ACSF2: variants seen among roughly 807,000 people sequenced by gnomAD.
The protein encoded by ACSF2 is medium-chain acyl-CoA ligase ACSF2, mitochondrial.
ACSF2 carries 52 observed loss-of-function variants against 79.3 expected under a neutral mutation model. The observed-to-expected ratio is 0.66, with a 90% CI of 0.53 to 0.83. The LOEUF (loss-of-function observed/expected upper bound fraction) is 0.83, where lower values mean the gene tolerates loss of function less well. ACSF2 is among the 40% of genes least tolerant of loss of function. The pLI is 0.00. For missense variants in ACSF2, 661 were observed against 803.3 expected, an observed-to-expected ratio of 0.82 and a Z score of 2.14; for synonymous variants, 283 against 312.6, an observed-to-expected ratio of 0.91 and a Z score of 1.00.
chr17:50,465,884 T>A (rs1439039983), intron 10 of ACSF2: 2 of 1,612,598 alleles, frequency 1.2e-6, no homozygotes, highest in African/African-American at 2.7e-5. Flanking sequence ...GGGAGCAAGG[T>A]GGGAGCAAGG....
chr17:50,471,177 C>A lies in ACSF2; in HGVS notation c.1323+42C>A. 2.6e-6 allele frequency: 4 copies of A among 1,562,240 alleles called. No individual in the cohort carries two copies. Among genetic ancestry groups the A allele is most frequent in the Non-Finnish European group, 3.5e-6 (4 of 1,133,310 alleles). ...GACTCCAAAGTCCCACCTCCCGTCA[C>A]CCAGCTGGGGTGCACCCAGCTGGGA... is the stretch of plus-strand genomic sequence containing the variant. On this transcript the variant is annotated intron_variant, in intron 11 of 15. Transcript: ENST00000300441. This position sits in a 1 kb window ranked among gnomAD's most constrained non-coding sequence, Gnocchi z 4.1.
In ACSF2 at chr17:50,463,094, AGTG is replaced by A. The variant is rs1306216902; in HGVS notation, c.793-60_793-58del. ...TTCCCGGTCCCGTGCTCTTCAAGGC[AGTG>A]GCCCAGGGTGGGAAGGAGATGAGAA... is the stretch of plus-strand genomic sequence containing the variant. On this transcript the variant is annotated intron_variant, in intron 6 of 15. Coordinates refer to ENST00000300441, the MANE Select transcript of ACSF2 (RefSeq NM_025149.6). The surrounding 1 kb of genome is among the most constrained non-coding windows in gnomAD (Gnocchi z 4.6). 1.9e-5 allele frequency: 27 copies of A among 1,396,192 alleles called. 1 individual carries two copies. The Admixed American group carries it at 4.7e-4, about 24-fold the overall frequency. 86.5% of individuals were successfully genotyped at this position (1,396,192 alleles called of 1,614,324 possible). A position where few individuals can be genotyped will look rare whatever the true frequency, so the allele number is the denominator to read the frequency against.
At chr17:50,430,874 A>G (rs2143476047) in intron 1 of ACSF2, among the ~76,000 whole-genome samples, 1 of 152,308 alleles carries the variant, frequency 6.6e-6, no homozygotes, top group South Asian at 2.1e-4. Flanking sequence ...CTGAAGTCTC[A>G]TGTCTCTCTG....
intron 1 of ACSF2, among the ~76,000 whole-genome samples, chr17:50,459,267 G>A (rs1252557454): frequency 1.3e-5 from 2 of 152,162 alleles, no homozygotes; most frequent in African/African-American, 2.4e-5. Flanking sequence ...TTGAGACAGG[G>A]CCTCTCTCTG....
chr17:50,432,983 T>C (rs2030069034), intron 1 of ACSF2, among the ~76,000 whole-genome samples: 1 of 152,216 alleles, frequency 6.6e-6, no homozygotes, highest in African/African-American at 2.4e-5. Flanking sequence ...TGGTCTCTTA[T>C]GAACCCTGAG....
rs1379734194 is a variant in ACSF2 at position 50,463,751 on chromosome 17, GGGGT to G, written c.1047-61_1047-58del. The G allele has an allele frequency of 3.0e-4, 463 of 1,533,258 alleles. No homozygotes were observed. The highest frequency in any genetic ancestry group is 4.0e-4 in the Non-Finnish European group (443 of 1,113,622). 95.0% of individuals were successfully genotyped at this position (1,533,258 alleles called of 1,614,324 possible). On this transcript the variant is annotated intron_variant, in intron 8 of 15. Transcript: ENST00000300441. This position sits in a 1 kb window ranked among gnomAD's most constrained non-coding sequence, Gnocchi z 4.6. ...ATTCCCTTTGCTGCAGTTTCATGGC[GGGGT>G]GGGTGAGAACAGGGAGTTCCCTTCC...
At chr17:50,427,351 A>G (rs185925945) in intron 1 of ACSF2, among the ~76,000 whole-genome samples, 1 of 152,326 alleles carries the variant, frequency 6.6e-6, no homozygotes, top group Admixed American at 6.5e-5. Context: ...CTCCAAGATC[A>G]CACTTTCTGA....
intron 1 of ACSF2, chr17:50,427,087 A>G: frequency 1.7e-6 from 2 of 1,193,444 alleles, no homozygotes; most frequent in Non-Finnish European, 2.4e-6. Context: ...TCATGTTATC[A>G]GGGCTGTTAG....
chr17:50,465,063 A>G, intron 10 of ACSF2: 1 of 556,684 alleles, frequency 1.8e-6, no homozygotes, highest in East Asian at 3.1e-5. Flanking sequence ...CAAAGAGGCA[A>G]AGATCGATGT....
At position 50,473,916 on chromosome 17, in the gene ACSF2, G is replaced by T; in HGVS notation, c.1640G>T (p.Arg547Leu). 2 of 1,584,176 alleles carry T rather than the reference G, an allele frequency of 1.3e-6. No homozygotes were observed. Among genetic ancestry groups the T allele is most frequent in the Non-Finnish European group, 1.7e-6 (2 of 1,162,434 alleles). The change falls in exon 14 of 16, where the codon CGG (arginine) becomes CTG (leucine). Residue 547 changes from arginine (R) to leucine (L), a missense_variant. Arg to Leu is a moderately radical substitution (Grantham distance 102). Transcript: ENST00000300441. ...AAGGTGGTGGGAGTGAAGGACGATC[G>T]GATGGGGGAAGAGATTTGTGCCTGC... ...EVQVVGVKDD[R>L]MGEEICACIR... is the part of the protein sequence containing the mutation.
intron 1 of ACSF2, among the ~76,000 whole-genome samples, chr17:50,432,404 AC>A (rs1440662461): frequency 3.3e-5 from 5 of 152,232 alleles, no homozygotes; most frequent in Admixed American, 2.0e-4. Flanking sequence ...CCCAAGGCCC[AC>A]AGTATAGTAA....
Position 50,463,971 on chromosome 17 carries a change from C to A in ACSF2, c.1138+62C>A. 1 of 1,319,604 alleles carries A rather than the reference C, an allele frequency of 7.6e-7. No homozygotes were observed. 81.7% of individuals were successfully genotyped at this position (1,319,604 alleles called of 1,614,324 possible). ...GGGCTGCTTCCCCCACAGGAATGGCCCGGGTGAGTTAGCTATGCTCCCAGT... is the reference window on the plus strand; with the variant it reads ...GGGCTGCTTCCCCCACAGGAATGGCACGGGTGAGTTAGCTATGCTCCCAGT... On this transcript the variant is annotated intron_variant, in intron 9 of 15. Transcript: ENST00000300441. The surrounding 1 kb of genome is among the most constrained non-coding windows in gnomAD (Gnocchi z 4.6).
intron 2 of ACSF2, 169 bp from the exon 3 acceptor site, chr17:50,461,073 C>A: frequency 8.5e-7 from 1 of 1,181,802 alleles, no homozygotes. Context: ...TCCTGGGGCA[C>A]CTGTTAACTA....
At chr17:50,466,086 T>A (rs1291342544) in intron 10 of ACSF2, among the ~76,000 whole-genome samples, 1 of 150,356 alleles carries the variant, frequency 6.7e-6, no homozygotes, top group Non-Finnish European at 1.5e-5. Context: ...TTTTTTTTTT[T>A]TTTCCTTTTT....
At chr17:50,472,046 G>A (rs2143807761) in intron 11 of ACSF2, 1 of 203,064 alleles carries the variant, frequency 4.9e-6, no homozygotes, top group South Asian at 8.3e-5. Flanking sequence ...GTGTTGCCAT[G>A]CCACCCTGTT....
At chr17:50,444,639 A>G (rs1317973065) in intron 1 of ACSF2, among the ~76,000 whole-genome samples, 1 of 81,052 alleles carries the variant, frequency 1.2e-5, no homozygotes, top group Non-Finnish European at 3.2e-5. Flanking sequence ...CTCTGCAAAC[A>G]CACACACACA....
chr17:50,463,798 C>G lies in ACSF2; in HGVS notation c.1047-20C>G. 1 of 1,610,026 alleles carries G rather than the reference C, an allele frequency of 6.2e-7. No individual in the cohort carries two copies. Among genetic ancestry groups the G allele is most frequent in the Non-Finnish European group, 8.5e-7 (1 of 1,176,578 alleles). ...TCCCTTCCACTTCCAAGCCTAATTTCGAGACCTCCTCCTATACAGAGGCAC... is the reference window on the plus strand; with the variant it reads ...TCCCTTCCACTTCCAAGCCTAATTTGGAGACCTCCTCCTATACAGAGGCAC... On this transcript the variant is annotated intron_variant, in intron 8 of 15. Transcript: ENST00000300441. The surrounding 1 kb of genome is among the most constrained non-coding windows in gnomAD (Gnocchi z 4.6).
intron 1 of ACSF2, 86 bp from the exon 2 acceptor site, chr17:50,460,591 C>T (rs560075310): frequency 2.4e-6 from 3 of 1,241,092 alleles, no homozygotes; most frequent in East Asian, 5.1e-5. Context: ...CAGCAGCCTA[C>T]CCCCTGGCTT....
intron 1 of ACSF2, among the ~76,000 whole-genome samples, chr17:50,451,060 C>T (rs886507492): frequency 3.3e-5 from 5 of 152,106 alleles, no homozygotes; most frequent in African/African-American, 9.7e-5. Context: ...GCTAGGCCTC[C>T]GGAGTAGCTG....
Sources: gnomAD v4.1 joint callset for allele counts (sites outside exome capture counted in the v4.1 genomes callset) on GRCh38, gnomAD v4.1.1 for gene constraint, Gnocchi (gnomAD v3.1) non-coding constraint, MANE v1.5 for transcripts, NCBI Gene and HGNC (gene_info 2026-07-23, HGNC 2026-07-21) for gene names.